The following TUBB variants were observed in gnomAD, a reference collection of about 807,000 sequenced individuals.
TUBB encodes tubulin beta class I.
A neutral mutation model predicts 35.1 loss-of-function variants in TUBB; 2 were observed. The observed-to-expected ratio is 0.06, with a 90% CI of 0.02 to 0.18. TUBB has a LOEUF of 0.18. Among genes scored for constraint, TUBB ranks in the 10% least tolerant of loss-of-function variants. TUBB has a pLI of 1.00. For missense variants in TUBB, 50 were observed against 599.4 expected, an observed-to-expected ratio of 0.08 and a Z score of 9.57; for synonymous variants, 205 against 223.8, an observed-to-expected ratio of 0.92 and a Z score of 0.75.
At chr6:30,720,674 C>G (rs2127743452) in intron 1 of TUBB, 111 bp downstream of exon 1, 1 of 940,010 alleles carries the variant, frequency 1.1e-6, no homozygotes, top group East Asian at 2.6e-5. Context: ...AGATTTGCCC[C>G]TCTCAAGTTT....
intron 1 of TUBB, 96 bp from the exon 2 acceptor site, chr6:30,722,441 C>CAA: frequency 1.1e-6 from 1 of 894,736 alleles, no homozygotes. Flanking sequence ...GACTCCGTCT[C>CAA]AAAAAAAATT....
intron 1 of TUBB, chr6:30,722,300 G>A (rs1246724099): frequency 1.2e-5 from 6 of 499,450 alleles, no homozygotes; most frequent in Non-Finnish European, 2.2e-5. Flanking sequence ...AAAAGTAGCT[G>A]GGCGTGTTGG....
At chr6:30,721,688 G>C in intron 1 of TUBB, 1 of 985,478 alleles carries the variant, frequency 1.0e-6, no homozygotes. Flanking sequence ...CCAGCTTGGG[G>C]GAAGGAGAGC....
chr6:30,721,673 G>A (rs1021725186), intron 1 of TUBB: 6 of 985,286 alleles, frequency 6.1e-6, no homozygotes, highest in Non-Finnish European at 7.2e-6. Context: ...GCGGTGGGGC[G>A]GTGCCCAGCT....
intron 2 of TUBB, 35 bp from the exon 3 acceptor site, chr6:30,722,883 C>T: frequency 6.4e-7 from 1 of 1,553,420 alleles, no homozygotes; most frequent in Non-Finnish European, 8.9e-7. Flanking sequence ...TTCCCTTCTG[C>T]CAGATTTCAC....
In TUBB at chr6:30,723,036, A is replaced by T. The variant is rs776601686; in HGVS notation, c.277+8A>T. 4 of 1,599,732 alleles carry T rather than the reference A, an allele frequency of 2.5e-6. No individual in the cohort carries two copies. The East Asian group carries it at 8.9e-5, about 36-fold the overall frequency. The stretch of plus-strand genomic sequence containing the variant: ...CAGACAACTTTGTATTTGGTGAGTT[A>T]TACAGATGATATTAGCAGATGATAT... On this transcript the variant is annotated splice_region_variant and intron_variant, in intron 3 of 3. Transcript: ENST00000327892.
intron 1 of TUBB, chr6:30,721,609 T>TGGTCGACTGCGGC: frequency 1.0e-6 from 1 of 981,962 alleles, no homozygotes; most frequent in Non-Finnish European, 1.2e-6. Flanking sequence ...GCGGGGGGGG[T>TGGTCGACTGCGGC]GGTCGACTGC....
At position 30,723,380 on chromosome 6, in the gene TUBB, C is replaced by T. The variant is rs772236124; in HGVS notation, c.318C>T (p.Tyr106=). ...GAGNNWAKGH[Y]TEGAELVDSV... Reference sequence around the variant, plus strand: ...GTAACAACTGGGCCAAAGGCCACTACACAGAGGGCGCCGAGCTGGTTGATT... The same window carrying T: ...GTAACAACTGGGCCAAAGGCCACTATACAGAGGGCGCCGAGCTGGTTGATT... The change falls in exon 4 of 4, where the codon TAC becomes TAT. Residue 106 remains tyrosine, a synonymous_variant. Transcript: ENST00000327892. 10 of 1,612,042 alleles carry T rather than the reference C, an allele frequency of 6.2e-6. No individual in the cohort carries two copies. In the African/African-American group the frequency reaches 1.3e-4, roughly 22 times the overall value.
At chr6:30,722,707 CTT>C in intron 2 of TUBB, 62 bp downstream of exon 2, 1 of 1,416,632 alleles carries the variant, frequency 7.1e-7, no homozygotes, top group South Asian at 1.2e-5. Flanking sequence ...TCTGGGATCT[CTT>C]TCCATTTCTG....
At chr6:30,721,690 A>G in intron 1 of TUBB, 1 of 984,722 alleles carries the variant, frequency 1.0e-6, no homozygotes, top group Non-Finnish European at 1.2e-6. Context: ...AGCTTGGGGG[A>G]AGGAGAGCGG....
intron 1 of TUBB, chr6:30,722,052 C>A: frequency 4.0e-6 from 1 of 252,604 alleles, no homozygotes; most frequent in Non-Finnish European, 6.3e-6. Context: ...ACTCGAGAGG[C>A]TGAGATGGGA....
At chr6:30,722,862 ATCTATAAACCTTCCCT>A in intron 2 of TUBB, 40 bp from the exon 3 acceptor site, 1 of 1,444,006 alleles carries the variant, frequency 6.9e-7, no homozygotes, top group Non-Finnish European at 9.7e-7. Flanking sequence ...TTTCCAGTAT[ATCTATAAACCTTCCCT>A]TCTGCCAGAT....
At chr6:30,721,623 G>A (rs1489600967) in intron 1 of TUBB, 2 of 985,312 alleles carry the variant, frequency 2.0e-6, no homozygotes, top group African/African-American at 1.7e-5. Flanking sequence ...CGACTGCGGC[G>A]GCAGCTCTTT....
chr6:30,720,431 C>A lies in TUBB; in HGVS notation c.-76C>A, dbSNP rs1170166853. The A allele has an allele frequency of 6.8e-7, 1 of 1,468,294 alleles. No homozygotes were observed. The highest frequency in any genetic ancestry group is 1.7e-5 in the Admixed American group (1 of 59,550). The allele number at this position is 1,468,294 out of a possible 1,614,324, so 91.0% of individuals were successfully genotyped here. On this transcript the variant is annotated 5_prime_UTR_variant, in exon 1 of 4. Transcript: ENST00000327892. ...CGCATTCCAACCTTCCAGCCTGCGA[C>A]CTGCGGAGAAAAAAAATTACTTATT... is the stretch of plus-strand genomic sequence containing the variant.
Position 30,723,569 on chromosome 6 carries a change from G to C in TUBB, c.507G>C (p.Val169=), listed in dbSNP as rs766850052. 6.2e-7 allele frequency: 1 copy of C among 1,614,250 alleles called. No homozygotes were observed. Among genetic ancestry groups the C allele is most frequent in the East Asian group, 2.2e-5 (1 of 44,890 alleles). ...ATCGCATCATGAATACCTTCAGTGT[G>C]GTGCCTTCACCCAAAGTGTCTGACA... ...YPDRIMNTFS[V]VPSPKVSDTV... is the part of the protein sequence containing the mutation. The change falls in exon 4 of 4, where the codon GTG becomes GTC. Residue 169 remains valine (V), a synonymous_variant. Coordinates refer to ENST00000327892, the MANE Select transcript of TUBB (RefSeq NM_178014.4).
Position 30,724,663 on chromosome 6 carries a change from T to C in TUBB, c.*266T>C, listed in dbSNP as rs1479799692. 2 of 492,690 alleles carry C rather than the reference T, an allele frequency of 4.1e-6. No individual in the cohort carries two copies. The highest frequency in any genetic ancestry group is 7.1e-6 in the Non-Finnish European group (2 of 281,628). 30.5% of individuals were successfully genotyped at this position (492,690 alleles called of 1,614,324 possible). A position where few individuals can be genotyped will look rare whatever the true frequency, so the allele number is the denominator to read the frequency against. On this transcript the variant is annotated 3_prime_UTR_variant, in exon 4 of 4. Transcript: ENST00000327892. This position sits in a 1 kb window ranked among gnomAD's most constrained non-coding sequence, Gnocchi z 4.4. Reference sequence around the variant, plus strand: ...TATTTCTTTCTGGTGCCCATTCCATTTGTCCAGTTAATACTTCCTCTTAAA... The same window carrying C: ...TATTTCTTTCTGGTGCCCATTCCATCTGTCCAGTTAATACTTCCTCTTAAA...
chr6:30,722,203 T>G (rs1776323203), intron 1 of TUBB: 1 of 288,102 alleles, frequency 3.5e-6, no homozygotes, highest in Admixed American at 4.7e-5. Context: ...CCCAGCACTT[T>G]GGGAGGCCAA....
intron 1 of TUBB, 66 bp downstream of exon 1, chr6:30,720,629 G>A: frequency 6.7e-7 from 1 of 1,485,968 alleles, no homozygotes; most frequent in South Asian, 1.2e-5. Context: ...ATGAAAAAAT[G>A]GTTGTGGGGC....
intron 1 of TUBB, among the ~76,000 whole-genome samples, chr6:30,721,228 T>C (rs1776205981): frequency 6.6e-6 from 1 of 152,188 alleles, no homozygotes; most frequent in African/African-American, 2.4e-5. Context: ...TGGGGGTGTG[T>C]GGTTTTCTTT....
Sources: allele counts gnomAD v4.1 joint callset (sites outside exome capture counted in the v4.1 genomes callset), GRCh38; gene constraint gnomAD v4.1.1; non-coding constraint Gnocchi (gnomAD v3.1); transcripts MANE v1.5; gene names NCBI Gene and HGNC (gene_info 2026-07-23, HGNC 2026-07-21).